Variants in TIAM1 observed in about 807,000 individuals in gnomAD.
The protein encoded by TIAM1 is rho guanine nucleotide exchange factor TIAM1.
TIAM1 carries 65 observed loss-of-function variants against 163.5 expected under a neutral mutation model. The observed-to-expected ratio is 0.40, with a 90% CI of 0.33 to 0.49. The LOEUF is 0.49. Ranked by LOEUF, TIAM1 falls within the 20% of genes least tolerant of loss-of-function variation. The pLI is 0.77. For synonymous variants in TIAM1, 833 were observed against 810.1 expected (o/e 1.03, Z -0.48); for missense variants, 1,789 against 2,044.7 (o/e 0.87, Z 2.41).
intron 2 of TIAM1, among the ~76,000 whole-genome samples, chr21:31,442,940 A>G (rs754973619): frequency 6.6e-6 from 1 of 152,226 alleles, no homozygotes; most frequent in Non-Finnish European, 1.5e-5. Context: ...GTCCCCAGGG[A>G]CTGGTCAGGT....
intron 6 of TIAM1, among the ~76,000 whole-genome samples, chr21:31,235,787 T>G (rs928027781): frequency 9.9e-5 from 15 of 152,144 alleles, no homozygotes; most frequent in African/African-American, 3.4e-4. Flanking sequence ...GTATAGAAAT[T>G]GTATAGGAAG....
intron 24 of TIAM1, 62 bp from the exon 25 acceptor site, chr21:31,130,377 G>T: frequency 7.4e-7 from 1 of 1,359,938 alleles, no homozygotes; most frequent in Non-Finnish European, 1.1e-6. Flanking sequence ...CCAGTTCCCT[G>T]CATTTTCTAA....
chr21:31,411,601 C>G (rs2077359506), intron 2 of TIAM1, among the ~76,000 whole-genome samples: 1 of 151,558 alleles, frequency 6.6e-6, no homozygotes. Flanking sequence ...TCAGCCTCCT[C>G]AATAGCTGGG....
chr21:31,309,851 CA>C (rs1283033792), intron 2 of TIAM1, among the ~76,000 whole-genome samples: 1 of 152,228 alleles, frequency 6.6e-6, no homozygotes, highest in African/African-American at 2.4e-5. Context: ...AAGACATCAT[CA>C]GGCAAAGAAG....
intron 2 of TIAM1, among the ~76,000 whole-genome samples, chr21:31,421,166 G>A (rs2043556313): frequency 6.6e-6 from 1 of 151,580 alleles, no homozygotes; most frequent in East Asian, 1.9e-4. Context: ...AAAAAAAGAT[G>A]AGGTCATACT....
At chr21:31,465,153 G>A (rs57074030) in intron 1 of TIAM1, among the ~76,000 whole-genome samples, 4,596 of 151,288 alleles carry the variant, frequency 0.03, 240 homozygotes, top group African/African-American at 0.11. Context: ...AACGGTGATT[G>A]CGTGATTGCA....
At chr21:31,228,379 A>G (rs142054784) in intron 6 of TIAM1, among the ~76,000 whole-genome samples, 1 of 152,060 alleles carries the variant, frequency 6.6e-6, no homozygotes, top group African/African-American at 2.4e-5. Flanking sequence ...CTGCTTTAGA[A>G]AGCTGTTGGA....
rs777256501 is a variant in TIAM1, at chr21:31,298,767, T to TGTGTGTGTGTGTGTGA, written c.-188-21860_-188-21859insTCACACACACACACAC. ...GTGTGTGTGTGTGTGTGTGTGTGTG[T>TGTGTGTGTGTGTGTGA]GAGAAACAGAGAGAGAGAGAAAAAA... On this transcript the variant is annotated intron_variant, in intron 2 of 27. Transcript: ENST00000541036. Among the ~76,000 whole-genome samples, 5 of 125,852 alleles carry TGTGTGTGTGTGTGTGA rather than the reference T, an allele frequency of 4.0e-5. No homozygotes were observed. In the East Asian group the frequency reaches 7.3e-4, roughly 18 times the overall value. The allele number at this position is 125,852 out of a possible 152,430, so 82.6% of individuals were successfully genotyped here.
intron 5 of TIAM1, among the ~76,000 whole-genome samples, chr21:31,251,470 GAGCTA>G (rs1569106757): frequency 6.6e-6 from 1 of 152,170 alleles, no homozygotes; most frequent in Non-Finnish European, 1.5e-5. Flanking sequence ...TTACAGGTGT[GAGCTA>G]CTATGCCCAG....
At chr21:31,328,623 A>C (rs1348180180) in intron 2 of TIAM1, among the ~76,000 whole-genome samples, 1 of 151,830 alleles carries the variant, frequency 6.6e-6, no homozygotes, top group Non-Finnish European at 1.5e-5. Context: ...TACATGTGCC[A>C]TGGTGGTTTG....
chr21:31,467,354 C>T (rs531181729), intron 1 of TIAM1, among the ~76,000 whole-genome samples: 6 of 152,064 alleles, frequency 3.9e-5, no homozygotes, highest in Admixed American at 1.3e-4. Context: ...AAAATAAGGC[C>T]GGGCGCAGTG....
At chr21:31,173,404 G>A (rs1030690869) in intron 15 of TIAM1, among the ~76,000 whole-genome samples, 4 of 151,970 alleles carry the variant, frequency 2.6e-5, no homozygotes, top group South Asian at 2.1e-4. Flanking sequence ...TTTATTTTGC[G>A]TTTCAGTCAT....
chr21:31,420,368 C>T (rs981120996), intron 2 of TIAM1, among the ~76,000 whole-genome samples: 5 of 152,224 alleles, frequency 3.3e-5, no homozygotes, highest in African/African-American at 1.2e-4. Flanking sequence ...CTCCTCTGGA[C>T]ATCAGTGAAC....
chr21:31,432,091 C>CTTTTTTTTTTTTTT lies in TIAM1; in HGVS notation c.-369+31878_-369+31891dup, dbSNP rs11291911. On this transcript the variant is annotated intron_variant, in intron 2 of 28. Transcript: ENST00000286827. ...TGAACATGTCAAAAATCTAAGATTC[C>CTTTTTTTTTTTTTT]TTTTTTTTTTTTTTTTTTTTTTTTT... Among the ~76,000 whole-genome samples, 5 of 93,664 alleles carry CTTTTTTTTTTTTTT rather than the reference C, an allele frequency of 5.3e-5. 1 individual carries two copies. Among genetic ancestry groups the CTTTTTTTTTTTTTT allele is most frequent in the African/African-American group, 1.8e-4 (4 of 21,754 alleles). 61.4% of individuals were successfully genotyped at this position (93,664 alleles called of 152,430 possible).
intron 7 of TIAM1, among the ~76,000 whole-genome samples, chr21:31,224,059 G>A (rs1301073463): frequency 1.3e-5 from 2 of 152,198 alleles, no homozygotes; most frequent in Non-Finnish European, 2.9e-5. Context: ...ACAAGATGGT[G>A]GAGACCCAGA....
chr21:31,329,256 T>C (rs2075597285), intron 2 of TIAM1, among the ~76,000 whole-genome samples: 1 of 152,174 alleles, frequency 6.6e-6, no homozygotes, highest in South Asian at 2.1e-4. Context: ...TGCCCTATTG[T>C]CTCCTTACTA....
intron 2 of TIAM1, among the ~76,000 whole-genome samples, chr21:31,307,972 C>G (rs555288991): frequency 2.6e-5 from 4 of 152,292 alleles, no homozygotes; most frequent in Admixed American, 6.5e-5. Flanking sequence ...GCAGCTCACA[C>G]CTGTAATCCT....
chr21:31,347,139 G>C (rs1351927079), upstream of TIAM1, among the ~76,000 whole-genome samples: 1 of 152,186 alleles, frequency 6.6e-6, no homozygotes. Flanking sequence ...AGGGTCCCCT[G>C]TAGATGCTTC....
At chr21:31,551,164 A>T (rs1569428417) in intron 1 of TIAM1, among the ~76,000 whole-genome samples, 1 of 152,028 alleles carries the variant, frequency 6.6e-6, no homozygotes, top group Non-Finnish European at 1.5e-5. Flanking sequence ...CAGTGAGCCA[A>T]GATCATGCCA....
Sources: gnomAD v4.1 joint callset for allele counts (sites outside exome capture counted in the v4.1 genomes callset) on GRCh38, gnomAD v4.1.1 for gene constraint, MANE v1.5 for transcripts, NCBI Gene and HGNC (gene_info 2026-07-23, HGNC 2026-07-21) for gene names.